TIAM2: variants seen among roughly 807,000 people sequenced by gnomAD.
TIAM2 encodes rho guanine nucleotide exchange factor TIAM2.
TIAM2 carries 80 observed loss-of-function variants against 152.9 expected under a neutral mutation model. That is an observed-to-expected ratio of 0.52 (90% CI 0.44 to 0.63). The LOEUF is 0.63. Among genes scored for constraint, TIAM2 ranks in the 30% least tolerant of loss-of-function variants. The probability of loss-of-function intolerance (pLI) is 0.00; values close to 1 mark genes in which losing one functional copy is unlikely to be tolerated. For synonymous variants in TIAM2, 804 were observed against 838.0 expected, an observed-to-expected ratio of 0.96 and a Z score of 0.70; for missense variants, 1,965 against 2,120.1, an observed-to-expected ratio of 0.93 and a Z score of 1.44.
intron 2 of TIAM2, among the ~76,000 whole-genome samples, chr6:155,110,723 G>A (rs1467673857): frequency 2.6e-5 from 4 of 152,188 alleles, no homozygotes; most frequent in Non-Finnish European, 5.9e-5. Flanking sequence ...CAGCAGATGA[G>A]GCCTGGCTTT....
rs1204782379 is a variant in TIAM2, at chr6:155,137,056, C to T, written c.1195-121C>T. ...GATGGTTAAAGATGTATTTTTGTTA[C>T]AAGAATCTTGCTTTGCATTACATTA... is the stretch of plus-strand genomic sequence containing the variant. On this transcript the variant is annotated intron_variant, in intron 4 of 26. Transcript: ENST00000682666. 8 of 1,075,864 alleles carry T rather than the reference C, an allele frequency of 7.4e-6. No individual in the cohort carries two copies. The Admixed American group carries it at 1.2e-4, about 16-fold the overall frequency. The allele number at this position is 1,075,864 out of a possible 1,614,324, so 66.6% of individuals were successfully genotyped here.
At chr6:155,202,541 C>A (rs1781497184) in intron 14 of TIAM2, among the ~76,000 whole-genome samples, 1 of 152,004 alleles carries the variant, frequency 6.6e-6, no homozygotes, top group African/African-American at 2.4e-5. Context: ...GCCTCAGCCT[C>A]CTGAGTGGCT....
intron 1 of TIAM2, among the ~76,000 whole-genome samples, chr6:155,085,510 G>A (rs1158184426): frequency 6.6e-6 from 1 of 151,942 alleles, no homozygotes; most frequent in Non-Finnish European, 1.5e-5. Context: ...CCCAGTCCTT[G>A]GCAGTAGGCT....
Position 155,151,635 on chromosome 6 carries a change from G to A in TIAM2, c.2028+3301G>A, listed in dbSNP as rs576280680. 1.4e-4 allele frequency among the ~76,000 whole-genome samples: 22 copies of A among 152,262 alleles called. No homozygotes were observed. In the South Asian group the frequency reaches 4.4e-3, roughly 30 times the overall value. ...GGTTTTTAAGCTGAGGACAAAGCAT[G>A]ATGACTGTAGTGTCTTTGGAAGATT... On this transcript the variant is annotated intron_variant, in intron 7 of 26. Coordinates refer to ENST00000682666, the MANE Select transcript of TIAM2 (RefSeq NM_012454.4).
At chr6:155,222,329 C>CGCG (rs1554243331) in intron 15 of TIAM2, among the ~76,000 whole-genome samples, 3 of 151,762 alleles carry the variant, frequency 2.0e-5, no homozygotes, top group Non-Finnish European at 4.4e-5. Context: ...GTTGGGTGGG[C>CGCG]GTGGCTCACG....
intron 14 of TIAM2, among the ~76,000 whole-genome samples, chr6:155,187,665 C>T (rs112274552): frequency 0.11 from 16,793 of 148,860 alleles, 1,130 homozygotes; most frequent in Middle Eastern, 0.17. Flanking sequence ...CCGCAACCTC[C>T]ACCTCCTGGT....
At chr6:155,157,762 A>T (rs1780162080) in intron 7 of TIAM2, among the ~76,000 whole-genome samples, 1 of 152,200 alleles carries the variant, frequency 6.6e-6, no homozygotes, top group Non-Finnish European at 1.5e-5. Flanking sequence ...ACTGCTCCGT[A>T]AGACTTGGGT....
At chr6:155,177,359 C>T (rs1780782742) in intron 10 of TIAM2, among the ~76,000 whole-genome samples, 4 of 152,264 alleles carry the variant, frequency 2.6e-5, no homozygotes, top group Admixed American at 1.3e-4. Context: ...ATAGTTTTAT[C>T]GGATTTCTCC....
chr6:155,173,777 G>A (rs1057486333), intron 9 of TIAM2, among the ~76,000 whole-genome samples: 2 of 152,148 alleles, frequency 1.3e-5, no homozygotes, highest in Non-Finnish European at 2.9e-5. Flanking sequence ...CTGTGAGCTG[G>A]GCTTTGCCAA....
intron 7 of TIAM2, among the ~76,000 whole-genome samples, chr6:155,157,734 T>C (rs965955703): frequency 3.3e-5 from 5 of 152,220 alleles, no homozygotes; most frequent in African/African-American, 1.2e-4. Flanking sequence ...AAATCTTTGC[T>C]CCTAATTCAT....
intron 1 of TIAM2, among the ~76,000 whole-genome samples, chr6:155,052,059 A>T (rs575389463): frequency 6.6e-6 from 1 of 152,258 alleles, no homozygotes; most frequent in East Asian, 1.9e-4. Flanking sequence ...GTAGCTTCCA[A>T]AACTCACCTA....
In TIAM2 at chr6:155,185,123, C is replaced by CTTTTTTTTTTTT. The variant is rs11404301; in HGVS notation, c.3064+1635_3064+1646dup. Reference sequence around the variant, plus strand: ...AAAGTAGAGAAAGGGGCAAATTTACCTTTTTTTTTTTTTTTTTTTTTTTGA... The same window carrying CTTTTTTTTTTTT: ...AAAGTAGAGAAAGGGGCAAATTTACCTTTTTTTTTTTTTTTTTTTTTTTTTTTTTTTTTTTGA... On this transcript the variant is annotated intron_variant, in intron 14 of 26. Coordinates refer to ENST00000682666, the MANE Select transcript of TIAM2 (RefSeq NM_012454.4). Among the ~76,000 whole-genome samples the CTTTTTTTTTTTT allele has an allele frequency of 4.8e-4, 44 of 92,404 alleles. 1 individual carries two copies. Among genetic ancestry groups the CTTTTTTTTTTTT allele is most frequent in the African/African-American group, 1.5e-3 (33 of 22,738 alleles). 60.6% of individuals were successfully genotyped at this position (92,404 alleles called of 152,430 possible).
chr6:155,172,670 ATATATATATATATATATTTTTT>A (rs1183020137), intron 9 of TIAM2, among the ~76,000 whole-genome samples: 3 of 9,796 alleles, frequency 3.1e-4, no homozygotes, highest in East Asian at 2.0e-3. Context: ...ATATATATAT[ATATATATATATATATATTTTTT>A]TTTTTTTTTT....
intron 2 of TIAM2, among the ~76,000 whole-genome samples, chr6:155,097,307 T>A (rs1172624851): frequency 1.3e-5 from 2 of 152,166 alleles, no homozygotes; most frequent in Non-Finnish European, 2.9e-5. Flanking sequence ...GTTGTCTCTT[T>A]AGTTTGTTGA....
intron 24 of TIAM2, 57 bp downstream of exon 24, chr6:155,253,110 G>A (rs1783772063): frequency 7.0e-7 from 1 of 1,421,128 alleles, no homozygotes; most frequent in East Asian, 2.3e-5. Context: ...CTTAACTGTG[G>A]AATGTAAATT....
chr6:155,241,042 G>A (rs1783008102), intron 16 of TIAM2, among the ~76,000 whole-genome samples: 1 of 152,234 alleles, frequency 6.6e-6, no homozygotes, highest in African/African-American at 2.4e-5. Context: ...CACTTTAGGT[G>A]ATGAGGAACT....
chr6:155,169,141 G>A (rs200704292), intron 9 of TIAM2, among the ~76,000 whole-genome samples: 2 of 152,018 alleles, frequency 1.3e-5, no homozygotes, highest in African/African-American at 2.4e-5. Flanking sequence ...GACTACAGGC[G>A]CCCGCCACCA....
intron 1 of TIAM2, among the ~76,000 whole-genome samples, chr6:155,071,773 G>A (rs1244680528): frequency 2.0e-5 from 3 of 151,964 alleles, no homozygotes; most frequent in South Asian, 2.1e-4. Flanking sequence ...GTGGATGCCT[G>A]TAATCCCAGC....
chr6:155,256,776 CA>C lies in TIAM2; in HGVS notation c.4762del (p.Ile1588SerfsTer8), dbSNP rs771214323. Reference sequence around the variant, plus strand: ...TGAAGCAGGGCAGCCCTACTAAAGACATCGAAATTCAGTTCCAGAGACTGAG... The same window carrying C: ...TGAAGCAGGGCAGCCCTACTAAAGACTCGAAATTCAGTTCCAGAGACTGAG... ...TVKQGSPTKDIEIQFQRLRIS... is the reference protein window; with the variant it reads ...TVKQGSPTKDXEIQFQRLRIS... On this transcript the variant is annotated frameshift_variant, in exon 27 of 27. Coordinates refer to ENST00000682666, the MANE Select transcript of TIAM2 (RefSeq NM_012454.4). LOFTEE classifies it low-confidence loss of function (END_TRUNC). The C allele has an allele frequency of 6.2e-7, 1 of 1,614,224 alleles. No individual in the cohort carries two copies. The highest frequency in any genetic ancestry group is 8.5e-7 in the Non-Finnish European group (1 of 1,180,046).
Sources: gnomAD v4.1 joint callset for allele counts (sites outside exome capture counted in the v4.1 genomes callset) on GRCh38, gnomAD v4.1.1 for gene constraint, MANE v1.5 for transcripts, NCBI Gene and HGNC (gene_info 2026-07-23, HGNC 2026-07-21) for gene names.